COL27A1: variants seen among roughly 807,000 people sequenced by gnomAD.
The protein encoded by COL27A1 is collagen alpha-1(XXVII) chain.
In COL27A1, 106 loss-of-function variants were observed where a neutral mutation model predicts 251.3. The ratio of observed to expected loss-of-function variants is 0.42; its 90% CI spans 0.36 to 0.50. The LOEUF is 0.50. COL27A1 is among the 20% of genes least tolerant of loss of function. COL27A1 has a pLI of 0.00. For synonymous variants in COL27A1, 1,000 were observed against 986.3 expected (o/e 1.01, Z -0.26); for missense variants, 2,325 against 2,522.8 (o/e 0.92, Z 1.68).
intron 4 of COL27A1, among the ~76,000 whole-genome samples, chr9:114,182,773 A>G (rs953223952): frequency 4.6e-5 from 7 of 152,198 alleles, no homozygotes; most frequent in Admixed American, 3.9e-4. Context: ...AATAGTAATA[A>G]CAACACCACC....
chr9:114,282,306 C>G lies in COL27A1; in HGVS notation c.3747C>G (p.Gly1249=), dbSNP rs200162485. 1.9e-6 allele frequency: 3 copies of G among 1,614,000 alleles called. No individual in the cohort carries two copies. Residue 1249 remains glycine, a synonymous_variant, in exon 38 of 61, where the codon GGC becomes GGG. Coordinates refer to ENST00000356083, the MANE Select transcript of COL27A1 (RefSeq NM_032888.4). ...RGPEGKSGKQ[G]EKGRTGAKGA... The stretch of plus-strand genomic sequence containing the variant: ...CTGAAGGAAAATCAGGGAAGCAAGG[C>G]GAGAAGGGCCGCACTGGAGCCAAGG...
chr9:114,307,085 C>A, intron 58 of COL27A1: 1 of 201,020 alleles, frequency 5.0e-6, no homozygotes. Flanking sequence ...GTTCCAATGT[C>A]AGTTCTGCCT....
chr9:114,211,446 C>T lies in COL27A1; in HGVS notation c.2367+420C>T, dbSNP rs140832185. Among the ~76,000 whole-genome samples the T allele has an allele frequency of 3.7e-4, 56 of 152,360 alleles. No homozygotes were observed. In the East Asian group the frequency reaches 0.01, roughly 28 times the overall value. On this transcript the variant is annotated intron_variant, in intron 12 of 60. Transcript: ENST00000356083. Reference sequence around the variant, plus strand: ...GTCATCCGGCTCTGTCCAGTTTGCTCATGCACACGCAAAGCCAGAGGACAA... The same window carrying T: ...GTCATCCGGCTCTGTCCAGTTTGCTTATGCACACGCAAAGCCAGAGGACAA...
intron 10 of COL27A1, 64 bp from the exon 11 acceptor site, chr9:114,209,611 G>A (rs945751806): frequency 2.0e-5 from 29 of 1,474,810 alleles, no homozygotes; most frequent in Non-Finnish European, 2.5e-5. Context: ...GGTGGGCTGC[G>A]GCAGGTTGGG....
rs1467078033 is a variant in COL27A1 at position 114,162,582 on chromosome 9, C to T, written c.63-133C>T. The T allele has an allele frequency of 4.4e-6, 3 of 683,992 alleles. No individual in the cohort carries two copies. The Admixed American group carries it at 6.7e-5, about 15-fold the overall frequency. The allele number at this position is 683,992 out of a possible 1,614,324, so 42.4% of individuals were successfully genotyped here. Reference sequence around the variant, plus strand: ...CTCTGATGGGGTCCTAGAGCCTGTACCTGGCCTCCTGCCTCCCGTGGGCAG... The same window carrying T: ...CTCTGATGGGGTCCTAGAGCCTGTATCTGGCCTCCTGCCTCCCGTGGGCAG... On this transcript the variant is annotated intron_variant, in intron 1 of 60. Transcript: ENST00000356083.
chr9:114,199,325 T>C (rs950291478), intron 7 of COL27A1, among the ~76,000 whole-genome samples: 4 of 152,150 alleles, frequency 2.6e-5, no homozygotes, highest in Non-Finnish European at 4.4e-5. Context: ...GTGCACGAGA[T>C]AGCCCTTCCC....
At chr9:114,213,556 C>T (rs1368408447) in intron 12 of COL27A1, among the ~76,000 whole-genome samples, 1 of 152,170 alleles carries the variant, frequency 6.6e-6, no homozygotes, top group Non-Finnish European at 1.5e-5. Context: ...AGACAAAAAT[C>T]TCTGTTGTCA....
chr9:114,205,593 C>T (rs765125719), intron 8 of COL27A1, among the ~76,000 whole-genome samples, 166 bp from the exon 9 acceptor site: 11 of 152,190 alleles, frequency 7.2e-5, no homozygotes, highest in Non-Finnish European at 1.5e-4. Flanking sequence ...CTGGTCTGAC[C>T]GGTTTCACAG....
At chr9:114,285,499 C>T (rs1827408324) in intron 41 of COL27A1, among the ~76,000 whole-genome samples, 1 of 152,176 alleles carries the variant, frequency 6.6e-6, no homozygotes, top group African/African-American at 2.4e-5. Flanking sequence ...TCCTCCTCCC[C>T]TCCCCTGCTG....
chr9:114,302,727 A>C (rs1828737881), intron 56 of COL27A1, among the ~76,000 whole-genome samples: 2 of 22,746 alleles, frequency 8.8e-5, no homozygotes, highest in African/African-American at 3.1e-4. Context: ...CAAAAAAAAC[A>C]AAAAAAAAAA....
chr9:114,252,731 C>G (rs555248565), intron 26 of COL27A1, 85 bp downstream of exon 26: 1 of 1,429,080 alleles, frequency 7.0e-7, no homozygotes, highest in Non-Finnish European at 9.9e-7. Context: ...CCGCTTACCC[C>G]AGACGTTCAG....
chr9:114,213,693 A>C (rs572312964), intron 12 of COL27A1, among the ~76,000 whole-genome samples: 1 of 152,186 alleles, frequency 6.6e-6, no homozygotes, highest in African/African-American at 2.4e-5. Flanking sequence ...CTCGGTGTGC[A>C]TAGTATTTGA....
intron 1 of COL27A1, among the ~76,000 whole-genome samples, chr9:114,160,220 A>G (rs1848401389): frequency 1.3e-5 from 2 of 151,334 alleles, no homozygotes; most frequent in East Asian, 1.9e-4. Context: ...AGTGGCATGA[A>G]CTTGGCTCAC....
At position 114,235,095 on chromosome 9, in the gene COL27A1, A is replaced by AAT. The variant is rs1554810346; in HGVS notation, c.2566-503_2566-502insTA. The stretch of plus-strand genomic sequence containing the variant: ...ACTCCATCTCAAAAAAAAAAAAAAA[A>AAT]AAAATAGACCAAAGCTGCTTGCTGG... On this transcript the variant is annotated intron_variant, in intron 16 of 60. Coordinates refer to ENST00000356083, the MANE Select transcript of COL27A1 (RefSeq NM_032888.4). Among the ~76,000 whole-genome samples the AAT allele has an allele frequency of 2.3e-4, 35 of 151,428 alleles. No homozygotes were observed. The South Asian group carries it at 7.3e-3, about 32-fold the overall frequency.
At position 114,302,081 on chromosome 9, in the gene COL27A1, G is replaced by T; in HGVS notation, c.4846-1G>T. The T allele has an allele frequency of 6.2e-7, 1 of 1,612,678 alleles. No homozygotes were observed. On this transcript the variant is annotated splice_acceptor_variant, in intron 55 of 60. Coordinates refer to ENST00000356083, the MANE Select transcript of COL27A1 (RefSeq NM_032888.4). LOFTEE classifies it high-confidence loss of function. ...GACTGACCCGCAGTCTTCTTTTGCA[G>T]GGTCCTCCAGGGGGTCCTATCCAAT...
chr9:114,299,739 T>G (rs1828486657), intron 49 of COL27A1, among the ~76,000 whole-genome samples: 1 of 152,234 alleles, frequency 6.6e-6, no homozygotes, highest in South Asian at 2.1e-4. Flanking sequence ...ACAGAGCTTT[T>G]CAGAGCTGTG....
At chr9:114,275,800 G>T (rs755817412) in intron 37 of COL27A1, 32 bp downstream of exon 37, 14 of 1,427,086 alleles carry the variant, frequency 9.8e-6, no homozygotes, top group Non-Finnish European at 1.3e-5. Context: ...AGCGCCTGGA[G>T]CTCTGGGGTA....
At chr9:114,221,487 A>G (rs1456433045) in intron 13 of COL27A1, among the ~76,000 whole-genome samples, 2 of 152,212 alleles carry the variant, frequency 1.3e-5, no homozygotes, top group Non-Finnish European at 1.5e-5. Flanking sequence ...GCTGTTGCTT[A>G]CTTCTCATTG....
At chr9:114,305,642 C>T (rs1445335697) in intron 57 of COL27A1, among the ~76,000 whole-genome samples, 1 of 152,198 alleles carries the variant, frequency 6.6e-6, no homozygotes, top group Non-Finnish European at 1.5e-5. Context: ...ACGTGGCTCC[C>T]AAGGTCACTC....
Sources: allele counts gnomAD v4.1 joint callset (sites outside exome capture counted in the v4.1 genomes callset), GRCh38; gene constraint gnomAD v4.1.1; transcripts MANE v1.5; gene names NCBI Gene and HGNC (gene_info 2026-07-23, HGNC 2026-07-21).